DOCK8: variants seen among roughly 807,000 people sequenced by gnomAD.
The protein encoded by DOCK8 is dedicator of cytokinesis protein 8.
DOCK8 carries 141 observed loss-of-function variants against 245.6 expected under a neutral mutation model. The observed-to-expected ratio is 0.57, with a 90% confidence interval of 0.50 to 0.66. DOCK8 has a LOEUF of 0.66. DOCK8 is among the 30% of genes least tolerant of loss of function. DOCK8 has a pLI of 0.00. For synonymous variants in DOCK8, 1,168 were observed against 970.2 expected (o/e 1.20, Z -3.79); for missense variants, 2,965 against 2,603.4 (o/e 1.14, Z -3.02).
intron 1 of DOCK8, among the ~76,000 whole-genome samples, chr9:241,269 A>C (rs1181367945): frequency 2.0e-5 from 3 of 152,146 alleles, no homozygotes; most frequent in Non-Finnish European, 4.4e-5. Context: ...TTGAAACGAC[A>C]CAATACATTA....
At chr9:444,335 A>AAATAATAATAATAAT (rs139606153) in intron 43 of DOCK8, among the ~76,000 whole-genome samples, 13,793 of 143,390 alleles carry the variant, frequency 0.096, 796 homozygotes, top group East Asian at 0.16. Flanking sequence ...AAAACAAAGC[A>AAATAATAATAATAAT]AATAATAATA....
At chr9:403,876 C>G (rs1409132525) in intron 26 of DOCK8, among the ~76,000 whole-genome samples, 4 of 88,692 alleles carry the variant, frequency 4.5e-5, no homozygotes, top group Non-Finnish European at 7.8e-5. Context: ...CTCTCTCTCT[C>G]TCTCTCTCTC....
Position 409,636 on chromosome 9 carries a change from G to A in DOCK8, c.3530+2567G>A, listed in dbSNP as rs182991608. 5.6e-3 allele frequency among the ~76,000 whole-genome samples: 845 copies of A among 151,844 alleles called. 4 individuals carry two copies. Among genetic ancestry groups the A allele is most frequent in the South Asian group, 0.018 (84 of 4,800 alleles). ...TAGGGTACATGTATACAACATGCAGGTTTGTTACATATGTATATATGCGCC... is the reference window on the plus strand; with the variant it reads ...TAGGGTACATGTATACAACATGCAGATTTGTTACATATGTATATATGCGCC... On this transcript the variant is annotated intron_variant, in intron 28 of 47. Coordinates refer to ENST00000432829, the MANE Select transcript of DOCK8 (RefSeq NM_203447.4).
intron 26 of DOCK8, among the ~76,000 whole-genome samples, chr9:403,737 C>T (rs1287475060): frequency 2.0e-5 from 3 of 151,302 alleles, no homozygotes; most frequent in African/African-American, 7.3e-5. Context: ...TGTTGATGTG[C>T]ACCTGTAATC....
At chr9:244,363 C>T (rs1417035242) in intron 1 of DOCK8, among the ~76,000 whole-genome samples, 1 of 151,880 alleles carries the variant, frequency 6.6e-6, no homozygotes, top group Non-Finnish European at 1.5e-5. Flanking sequence ...TCAACATTTT[C>T]TATTCTGTTC....
Position 422,138 on chromosome 9 carries a change from G to A in DOCK8, c.4241+3G>A, listed in dbSNP as rs1457775407. On this transcript the variant is annotated splice_donor_region_variant and intron_variant, in intron 33 of 47. Coordinates refer to ENST00000432829, the MANE Select transcript of DOCK8 (RefSeq NM_203447.4). ...CAAGCTAATGAGAAGCTAGATAAGT[G>A]AGTCACTCGGCAACTTTCTGCTACT... is the stretch of plus-strand genomic sequence containing the variant. The A allele has an allele frequency of 6.2e-7, 1 of 1,613,622 alleles. No homozygotes were observed. Among genetic ancestry groups the A allele is most frequent in the Non-Finnish European group, 8.5e-7 (1 of 1,179,746 alleles).
upstream of DOCK8, chr9:214,447 T>G (rs2046683544): frequency 6.4e-7 from 1 of 1,558,550 alleles, no homozygotes; most frequent in African/African-American, 1.4e-5. Flanking sequence ...CCACTAACTT[T>G]TTTGTCTTTT....
intron 1 of DOCK8, among the ~76,000 whole-genome samples, chr9:271,036 T>A (rs919037670): frequency 6.6e-6 from 1 of 152,166 alleles, no homozygotes; most frequent in African/African-American, 2.4e-5. Flanking sequence ...CCCTAAAGTG[T>A]TGGCTGAGCA....
At chr9:423,858 T>A (rs1460143541) in intron 33 of DOCK8, among the ~76,000 whole-genome samples, 1 of 152,156 alleles carries the variant, frequency 6.6e-6, no homozygotes, top group Non-Finnish European at 1.5e-5. Flanking sequence ...AGAAGACCCC[T>A]AAGTAGGCCT....
At chr9:218,671 C>G (rs1404955831) in intron 1 of DOCK8, among the ~76,000 whole-genome samples, 5 of 152,036 alleles carry the variant, frequency 3.3e-5, no homozygotes, top group Non-Finnish European at 7.4e-5. Flanking sequence ...TAAACAAAAT[C>G]TTAGTGTCTT....
In DOCK8 at chr9:268,512, C is replaced by G. The variant is rs570782667; in HGVS notation, c.54-3115C>G. On this transcript the variant is annotated intron_variant, in intron 1 of 47. Coordinates refer to ENST00000432829, the MANE Select transcript of DOCK8 (RefSeq NM_203447.4). ...TCTTGCTTCAAAATGAAAGCAAGAC[C>G]CTATCCTTCCTGCCTCTTTGATCCT... is the stretch of plus-strand genomic sequence containing the variant. Among the ~76,000 whole-genome samples, 3 of 152,234 alleles carry G rather than the reference C, an allele frequency of 2.0e-5. No homozygotes were observed. The East Asian group carries it at 5.8e-4, about 29-fold the overall frequency.
Position 449,799 on chromosome 9 carries a change from A to G in DOCK8, c.5833A>G (p.Ile1945Val), listed in dbSNP as rs764464553. 3 of 1,612,856 alleles carry G rather than the reference A, an allele frequency of 1.9e-6. No homozygotes were observed. The highest frequency in any genetic ancestry group is 2.7e-5 in the African/African-American group (2 of 74,870). The change falls in exon 45 of 48, where the codon ATT (isoleucine) becomes GTT (valine). Residue 1945 changes from isoleucine (I) to valine (V), a missense_variant. Ile to Val is a conservative substitution (Grantham distance 29). Around this residue, in one of 3 missense-constraint regions of DOCK8, gnomAD observed 2,825 missense variants for 2,453.5 expected, o/e 1.15. Coordinates refer to ENST00000432829, the MANE Select transcript of DOCK8 (RefSeq NM_203447.4). The stretch of plus-strand genomic sequence containing the variant: ...TCATGTTCAGTTTGTTTTGACACCG[A>G]TTGAAGTTGCCATTGAAGACATGAA... The part of the protein sequence containing the change: ...IQKEEFVLTP[I>V]EVAIEDMKKK...
intron 2 of DOCK8, among the ~76,000 whole-genome samples, chr9:274,330 G>C (rs1298845569): frequency 6.6e-6 from 1 of 152,122 alleles, no homozygotes; most frequent in Non-Finnish European, 1.5e-5. Flanking sequence ...ATATCCTTTA[G>C]AATATATTAC....
intron 21 of DOCK8, chr9:381,353 C>T (rs2053714255): frequency 6.6e-6 from 1 of 152,006 alleles, no homozygotes; most frequent in African/African-American, 2.4e-5. Context: ...TGACTGATGC[C>T]TACGATTCTA....
intron 6 of DOCK8, among the ~76,000 whole-genome samples, chr9:316,661 C>T (rs892408810): frequency 1.3e-5 from 2 of 152,134 alleles, no homozygotes; most frequent in Non-Finnish European, 2.9e-5. Flanking sequence ...TAGTAAAGCC[C>T]TTGACAGGAG....
At chr9:378,277 A>G (rs1234045724) in intron 20 of DOCK8, among the ~76,000 whole-genome samples, 3 of 152,222 alleles carry the variant, frequency 2.0e-5, no homozygotes, top group Non-Finnish European at 2.9e-5. Flanking sequence ...GGATAGAGTG[A>G]AAACCGACAG....
Position 397,067 on chromosome 9 carries a change from G to A in DOCK8, c.3120+133G>A, listed in dbSNP as rs2054496866. On this transcript the variant is annotated intron_variant, in intron 25 of 47. Coordinates refer to ENST00000432829, the MANE Select transcript of DOCK8 (RefSeq NM_203447.4). ...CTGTAATGACAGTTAAACGCAGTATGTTATACTGGACTGGACCCTGATGTG... is the reference window on the plus strand; with the variant it reads ...CTGTAATGACAGTTAAACGCAGTATATTATACTGGACTGGACCCTGATGTG... 8 of 1,086,318 alleles carry A rather than the reference G, an allele frequency of 7.4e-6. No individual in the cohort carries two copies. The East Asian group carries it at 2.1e-4, about 28-fold the overall frequency. The allele number at this position is 1,086,318 out of a possible 1,614,324, so 67.3% of individuals were successfully genotyped here.
chr9:311,258 C>T (rs988594404), intron 5 of DOCK8, among the ~76,000 whole-genome samples: 2 of 150,448 alleles, frequency 1.3e-5, no homozygotes, highest in Admixed American at 1.3e-4. Flanking sequence ...GCACTCAAGC[C>T]TAGGTGTCGC....
chr9:399,817 C>G (rs892196719), intron 26 of DOCK8, among the ~76,000 whole-genome samples: 13 of 151,964 alleles, frequency 8.6e-5, no homozygotes, highest in African/African-American at 3.1e-4. Flanking sequence ...CTGTCTCCCT[C>G]AAACTACCTT....
Sources: gnomAD v4.1 joint callset for allele counts (sites outside exome capture counted in the v4.1 genomes callset) on GRCh38, gnomAD v4.1.1 for gene constraint, gnomAD v4.1.1 regional missense constraint, MANE v1.5 for transcripts, NCBI Gene and HGNC (gene_info 2026-07-23, HGNC 2026-07-21) for gene names.